Variants in ZNF407 observed in about 807,000 individuals in gnomAD.
ZNF407 encodes the protein zinc finger protein 407.
In ZNF407, 17 loss-of-function variants were observed where a neutral mutation model predicts 131.2. That is an observed-to-expected ratio of 0.13 (90% CI 0.09 to 0.19). ZNF407 has a LOEUF of 0.19. Among genes scored for constraint, ZNF407 ranks in the 10% least tolerant of loss-of-function variants. The pLI is 1.00. For missense variants in ZNF407, 2,681 were observed against 2,830.6 expected, an observed-to-expected ratio of 0.95 and a Z score of 1.20; for synonymous variants, 1,156 against 1,062.0, an observed-to-expected ratio of 1.09 and a Z score of -1.72.
At chr18:74,922,248 C>T (rs1016098762) in intron 8 of ZNF407, among the ~76,000 whole-genome samples, 5 of 152,108 alleles carry the variant, frequency 3.3e-5, no homozygotes, top group Non-Finnish European at 5.9e-5. Flanking sequence ...CTTACAGATA[C>T]CAGAAACACC....
At chr18:74,717,653 C>G (rs1222053219) in intron 3 of ZNF407, among the ~76,000 whole-genome samples, 1 of 152,100 alleles carries the variant, frequency 6.6e-6, no homozygotes, top group Non-Finnish European at 1.5e-5. Flanking sequence ...AAACAAAACA[C>G]CACCCAAACT....
chr18:74,680,003 G>A (rs6566061), intron 3 of ZNF407, among the ~76,000 whole-genome samples: 18,697 of 152,104 alleles, frequency 0.12, 1,280 homozygotes, highest in African/African-American at 0.17. Flanking sequence ...TTCATATTAC[G>A]TGTACAATGT....
At chr18:74,828,221 G>A (rs1261910956) in intron 4 of ZNF407, among the ~76,000 whole-genome samples, 1 of 152,124 alleles carries the variant, frequency 6.6e-6, no homozygotes. Flanking sequence ...CTTTGGTGAG[G>A]GGCACAGAAA....
chr18:74,948,709 G>T (rs1277582743), intron 8 of ZNF407, among the ~76,000 whole-genome samples: 3 of 152,122 alleles, frequency 2.0e-5, no homozygotes, highest in African/African-American at 7.2e-5. Flanking sequence ...GGAGAAAGAG[G>T]ACAGATATTT....
chr18:74,659,747 C>A (rs980231476), intron 3 of ZNF407, among the ~76,000 whole-genome samples: 6 of 152,076 alleles, frequency 3.9e-5, no homozygotes, highest in African/African-American at 1.2e-4. Flanking sequence ...ATGTTATGAG[C>A]TGTGATTGAA....
At chr18:74,861,712 G>T (rs1041858179) in intron 4 of ZNF407, among the ~76,000 whole-genome samples, 3 of 151,972 alleles carry the variant, frequency 2.0e-5, no homozygotes, top group Non-Finnish European at 4.4e-5. Flanking sequence ...TAGGATGTTT[G>T]TACTGCTATA....
At chr18:74,797,096 T>G (rs978220674) in intron 4 of ZNF407, among the ~76,000 whole-genome samples, 4 of 152,146 alleles carry the variant, frequency 2.6e-5, no homozygotes, top group African/African-American at 9.7e-5. Context: ...TTACAGTGCA[T>G]GTAGTGTCAG....
At chr18:74,844,196 T>C (rs1457190118) in intron 4 of ZNF407, among the ~76,000 whole-genome samples, 1 of 152,114 alleles carries the variant, frequency 6.6e-6, no homozygotes, top group Non-Finnish European at 1.5e-5. Context: ...GAGCCGTGCT[T>C]TTCCTTCCCC....
intron 8 of ZNF407, among the ~76,000 whole-genome samples, chr18:74,964,648 T>C (rs1224682816): frequency 3.3e-5 from 5 of 152,018 alleles, no homozygotes; most frequent in African/African-American, 9.7e-5. Flanking sequence ...TTGTTGTCTT[T>C]TTTCTTTTTC....
In ZNF407 at chr18:75,063,799, G is replaced by A. The variant is rs755515358; in HGVS notation, c.6078G>A (p.Gln2026=). ...AKDVLIQLPG[Q]EVSHVAADPE... ...ACGTGCTGATCCAGCTGCCCGGGCAGGAGGTCTCCCATGTGGCTGCCGACC... is the reference window on the plus strand; with the variant it reads ...ACGTGCTGATCCAGCTGCCCGGGCAAGAGGTCTCCCATGTGGCTGCCGACC... The change falls in exon 9 of 9, where the codon CAG becomes CAA. Residue 2026 remains glutamine (Q), a synonymous_variant. Transcript: ENST00000299687. This position sits in a 1 kb window ranked among gnomAD's most constrained non-coding sequence, Gnocchi z 6.6. 9 of 1,609,130 alleles carry A rather than the reference G, an allele frequency of 5.6e-6. No individual in the cohort carries two copies. Among genetic ancestry groups the A allele is most frequent in the Non-Finnish European group, 6.8e-6 (8 of 1,179,690 alleles).
At chr18:74,864,123 G>A (rs544442205) in intron 4 of ZNF407, among the ~76,000 whole-genome samples, 3 of 152,226 alleles carry the variant, frequency 2.0e-5, no homozygotes, top group Non-Finnish European at 2.9e-5. Flanking sequence ...ATGATGGTTG[G>A]TTGGGCTGCA....
intron 3 of ZNF407, among the ~76,000 whole-genome samples, chr18:74,661,113 T>C (rs187537531): frequency 2.6e-5 from 4 of 152,264 alleles, no homozygotes; most frequent in East Asian, 3.9e-4. Context: ...ACAAGAAGAA[T>C]TGTAATAAAG....
chr18:74,873,632 C>G (rs1374100333), intron 4 of ZNF407, among the ~76,000 whole-genome samples: 9 of 151,996 alleles, frequency 5.9e-5, no homozygotes, highest in African/African-American at 2.2e-4. Context: ...CCGCTTGCAC[C>G]CAGGAGGTCC....
rs1001014934 is a variant in ZNF407, at chr18:74,806,602, A to G, written c.4877+25100A>G. Among the ~76,000 whole-genome samples, 4 of 152,228 alleles carry G rather than the reference A, an allele frequency of 2.6e-5. No individual in the cohort carries two copies. In the South Asian group the frequency reaches 8.3e-4, roughly 31 times the overall value. Reference sequence around the variant, plus strand: ...ATGATAAATGAAAATACTGTAAGGGAAATAAAATGACAACATGTCATAGTG... The same window carrying G: ...ATGATAAATGAAAATACTGTAAGGGGAATAAAATGACAACATGTCATAGTG... On this transcript the variant is annotated intron_variant, in intron 4 of 8. Transcript: ENST00000299687.
chr18:74,620,859 C>T (rs1217931600), intron 1 of ZNF407, among the ~76,000 whole-genome samples: 3 of 152,126 alleles, frequency 2.0e-5, no homozygotes, highest in African/African-American at 4.8e-5. Flanking sequence ...ACCTGTGGCT[C>T]TACGTGTGTG....
intron 7 of ZNF407, among the ~76,000 whole-genome samples, chr18:74,893,437 A>G (rs1025583435): frequency 1.3e-5 from 2 of 152,196 alleles, no homozygotes; most frequent in African/African-American, 2.4e-5. Flanking sequence ...TTCTTTTACT[A>G]CTGAACAAAA....
At chr18:74,789,211 G>C (rs1969778734) in intron 4 of ZNF407, among the ~76,000 whole-genome samples, 1 of 152,118 alleles carries the variant, frequency 6.6e-6, no homozygotes, top group Admixed American at 6.5e-5. Context: ...TAGGATGAGT[G>C]GTTAGGAAAG....
intron 8 of ZNF407, among the ~76,000 whole-genome samples, chr18:74,938,364 G>C (rs1018341254): frequency 2.6e-5 from 4 of 152,056 alleles, no homozygotes; most frequent in Non-Finnish European, 4.4e-5. Flanking sequence ...TGCTGCCTTT[G>C]GGTGAATTTC....
intron 8 of ZNF407, among the ~76,000 whole-genome samples, chr18:75,021,766 ATAAAAT>A (rs1472475466): frequency 6.6e-6 from 1 of 152,046 alleles, no homozygotes; most frequent in Non-Finnish European, 1.5e-5. Context: ...CTATACGGAA[ATAAAAT>A]TAAACCAAAT....
Sources: allele counts gnomAD v4.1 joint callset (sites outside exome capture counted in the v4.1 genomes callset), GRCh38; gene constraint gnomAD v4.1.1; non-coding constraint Gnocchi (gnomAD v3.1); transcripts MANE v1.5; gene names NCBI Gene and HGNC (gene_info 2026-07-23, HGNC 2026-07-21).